The following ASPM variants were observed in gnomAD, a reference collection of about 807,000 sequenced individuals.
ASPM encodes abnormal spindle-like microcephaly-associated protein.
In ASPM, 256 loss-of-function variants were observed where a neutral mutation model predicts 366.4. The observed-to-expected ratio is 0.70, with a 90% confidence interval of 0.63 to 0.77. The LOEUF is 0.77. Among genes scored for constraint, ASPM ranks in the 30% least tolerant of loss-of-function variants. ASPM has a pLI of 0.00. For synonymous variants in ASPM, 1,414 were observed against 1,342.9 expected, an observed-to-expected ratio of 1.05 and a Z score of -1.16; for missense variants, 4,146 against 4,090.4, an observed-to-expected ratio of 1.01 and a Z score of -0.37.
rs973383627 is a variant in ASPM at position 197,116,349 on chromosome 1, C to T, written c.4065+1440G>A. Among the ~76,000 whole-genome samples, 12 of 152,168 alleles carry T rather than the reference C, an allele frequency of 7.9e-5. No homozygotes were observed. In the East Asian group the frequency reaches 2.1e-3, roughly 27 times the overall value. ...TATCTAGACCACTCACACTTCCTATCAAAGATCATTAATCTCACATTACCA... is the reference window on the plus strand; with the variant it reads ...TATCTAGACCACTCACACTTCCTATTAAAGATCATTAATCTCACATTACCA... On this transcript the variant is annotated intron_variant, in intron 17 of 27. Coordinates refer to ENST00000367409, the MANE Select transcript of ASPM (RefSeq NM_018136.5).
At chr1:197,084,447 G>T (rs746042792) in intron 27 of ASPM, 21 bp from the exon 28 acceptor site, 172 of 1,134,372 alleles carry the variant, frequency 1.5e-4, no homozygotes, top group Non-Finnish European at 2.2e-4. Flanking sequence ...AAAAAAAAAA[G>T]TCTGGCATTA....
rs776039152 is a variant in ASPM at position 197,121,956 on chromosome 1, A to G, written c.3829T>C (p.Trp1277Arg). The G allele has an allele frequency of 1.9e-6, 3 of 1,611,578 alleles. No individual in the cohort carries two copies. The highest frequency in any genetic ancestry group is 2.5e-6 in the Non-Finnish European group (3 of 1,178,094). Residue 1277 changes from tryptophan to arginine, a missense_variant, in exon 16 of 28, where the codon TGG (tryptophan) becomes CGG (arginine). Around this residue, in one of 3 missense-constraint regions of ASPM, gnomAD observed 3,624 missense variants for 3,591.7 expected, o/e 1.01. Transcript: ENST00000367409. ...IRAARLIQTT[W>R]RKYKLKTDLK... ...TCTGTTTTTAGTTTATATTTTCTCCATGTTGTTTGTATGAGTCGAGCAGCT... is the reference window on the plus strand; with the variant it reads ...TCTGTTTTTAGTTTATATTTTCTCCGTGTTGTTTGTATGAGTCGAGCAGCT...
At position 197,093,039 on chromosome 1, in the gene ASPM, T is replaced by C. The variant is rs1571590705; in HGVS notation, c.9294+13A>G. Reference sequence around the variant, plus strand: ...TTTTATAAGAATGAGATATGCTACTTGAAAATACTTACTCTTTTTCGTACT... The same window carrying C: ...TTTTATAAGAATGAGATATGCTACTCGAAAATACTTACTCTTTTTCGTACT... On this transcript the variant is annotated intron_variant, in intron 21 of 27. Transcript: ENST00000367409. The C allele has an allele frequency of 1.9e-6, 3 of 1,586,402 alleles. No homozygotes were observed. Among genetic ancestry groups the C allele is most frequent in the Non-Finnish European group, 2.6e-6 (3 of 1,156,606 alleles).
At chr1:197,134,960 C>T (rs564221400) in intron 5 of ASPM, 136 bp downstream of exon 5, 36 of 729,872 alleles carry the variant, frequency 4.9e-5, no homozygotes, top group Non-Finnish European at 7.7e-5. Flanking sequence ...CTTACCTATA[C>T]AAGCATTTAG....
At chr1:197,089,002 TAAAAA>T (rs1417190133) in intron 25 of ASPM, among the ~76,000 whole-genome samples, 2 of 133,264 alleles carry the variant, frequency 1.5e-5, no homozygotes, top group Non-Finnish European at 3.7e-5. Context: ...GATACTAAGA[TAAAAA>T]TAACAAAACA....
chr1:197,090,247 G>A lies in ASPM; in HGVS notation c.9778C>T (p.Leu3260Phe). 1.2e-6 allele frequency: 2 copies of A among 1,613,496 alleles called. No homozygotes were observed. The highest frequency in any genetic ancestry group is 1.1e-5 in the South Asian group (1 of 91,068). ...YKRTALALHY[L>F]LTYKHLSAIL... ...GCAGAAAGGTGCTTATATGTCAAAA[G>A]GTAATGAAGTGCAAGTGCAGTTCTT... Residue 3260 changes from leucine (L) to phenylalanine (F), a missense_variant, in exon 24 of 28, where the codon CTT (leucine) becomes TTT (phenylalanine). By Grantham distance (22) the Leu-to-Phe change is conservative. Around this residue, in one of 3 missense-constraint regions of ASPM, gnomAD observed 3,624 missense variants for 3,591.7 expected, o/e 1.01. Coordinates refer to ENST00000367409, the MANE Select transcript of ASPM (RefSeq NM_018136.5).
chr1:197,135,437 G>C (rs776016185), intron 4 of ASPM, among the ~76,000 whole-genome samples, 195 bp from the exon 5 acceptor site: 35 of 152,042 alleles, frequency 2.3e-4, no homozygotes, highest in African/African-American at 8.5e-4. Flanking sequence ...AAAGTAAAGC[G>C]ATATTTCCTG....
intron 26 of ASPM, 58 bp downstream of exon 26, chr1:197,088,198 C>A: frequency 6.4e-7 from 1 of 1,561,798 alleles, no homozygotes; most frequent in South Asian, 1.1e-5. Context: ...CTATAAAAGT[C>A]ATAGACTTAA....
rs1175039747 is a variant in ASPM at position 197,124,692 on chromosome 1, TATATATATATACAC to T, written c.3168+164_3168+177del. Among the ~76,000 whole-genome samples the T allele has an allele frequency of 4.0e-5, 6 of 151,578 alleles. No individual in the cohort carries two copies. In the South Asian group the frequency reaches 8.3e-4, roughly 21 times the overall value. ...GTGTGGTGAAGATTAGATTGAAATA[TATATATATATACAC>T]ATATATATACATATATATATATAGC... On this transcript the variant is annotated intron_variant, in intron 12 of 27. Transcript: ENST00000367409.
rs1657924566 is a variant in ASPM at position 197,122,020 on chromosome 1, A to C, written c.3765T>G (p.Phe1255Leu). 1 of 1,612,468 alleles carries C rather than the reference A, an allele frequency of 6.2e-7. No homozygotes were observed. Among genetic ancestry groups the C allele is most frequent in the Non-Finnish European group, 8.5e-7 (1 of 1,178,962 alleles). Residue 1255 changes from phenylalanine (F) to leucine (L), a missense_variant, in exon 16 of 28, where the codon TTT (phenylalanine) becomes TTG (leucine). Phe to Leu is a conservative substitution (Grantham distance 22, BLOSUM62 0). Transcript: ENST00000367409. ...DEKVVITYLS[F>L]LCARLLDLRK... ...GAAGATCCAAAAGCCTTGCACAAAG[A>C]AATGACAAATAGGTAATAACCACCT...
intron 4 of ASPM, among the ~76,000 whole-genome samples, chr1:197,136,367 T>C (rs1426712522): frequency 2.0e-5 from 3 of 152,172 alleles, no homozygotes; most frequent in Non-Finnish European, 4.4e-5. Context: ...ACAGTATTAT[T>C]GTAATTTTGG....
rs1315956616 is a variant in ASPM at position 197,103,453 on chromosome 1, G to C, written c.5798C>G (p.Ala1933Gly). Residue 1933 changes from alanine (A) to glycine (G), a missense_variant, in exon 18 of 28, where the codon GCA becomes GGA. Physicochemically the swap from Ala to Gly is moderately conservative, Grantham distance 60. Around this residue, in one of 3 missense-constraint regions of ASPM, gnomAD observed 3,624 missense variants for 3,591.7 expected, o/e 1.01. Coordinates refer to ENST00000367409, the MANE Select transcript of ASPM (RefSeq NM_018136.5). ...AALVIQQNFR[A>G]WTAGRKQCME... ...ACATTGCTTCCTTCCTGCAGTCCAT[G>C]CTCTGAAATTTTGCTGGATGACTAA... is the stretch of plus-strand genomic sequence containing the variant. 3 of 1,613,286 alleles carry C rather than the reference G, an allele frequency of 1.9e-6. No homozygotes were observed. The highest frequency in any genetic ancestry group is 3.3e-5 in the Admixed American group (2 of 59,900).
chr1:197,131,855 G>C (rs1658265010), intron 7 of ASPM, among the ~76,000 whole-genome samples: 1 of 150,638 alleles, frequency 6.6e-6, no homozygotes, highest in Non-Finnish European at 1.5e-5. Context: ...ACCACACCTG[G>C]CCAGGGCAAG....
chr1:197,110,363 A>G (rs1333464712), intron 17 of ASPM, among the ~76,000 whole-genome samples: 1 of 152,126 alleles, frequency 6.6e-6, no homozygotes, highest in Admixed American at 6.6e-5. Flanking sequence ...TTGGACATGT[A>G]TATATAAAAA....
At chr1:197,128,461 A>C in intron 10 of ASPM, 29 bp downstream of exon 10, 1 of 1,590,680 alleles carries the variant, frequency 6.3e-7, no homozygotes, top group Non-Finnish European at 8.6e-7. Context: ...TATTCCATTA[A>C]GCAAAATAAT....
chr1:197,128,762 AAAT>A lies in ASPM; in HGVS notation c.2761-100_2761-98del, dbSNP rs869251214. The A allele has an allele frequency of 2.2e-4, 84 of 376,284 alleles. 1 individual carries two copies. In the South Asian group the frequency reaches 2.6e-3, roughly 11 times the overall value. 23.3% of individuals were successfully genotyped at this position (376,284 alleles called of 1,614,324 possible). ...AAATCATTCTGTACATATAAAAATA[AAAT>A]AATATAAAAAGTTTCATATTATACA... On this transcript the variant is annotated intron_variant, in intron 9 of 27. Coordinates refer to ENST00000367409, the MANE Select transcript of ASPM (RefSeq NM_018136.5).
At position 197,133,460 on chromosome 1, in the gene ASPM, C is replaced by T. The variant is rs2125109516; in HGVS notation, c.2309G>A (p.Cys770Tyr). 6.2e-7 allele frequency: 1 copy of T among 1,614,090 alleles called. No homozygotes were observed. The highest frequency in any genetic ancestry group is 1.1e-5 in the South Asian group (1 of 91,076). Reference protein sequence around the residue: ...CRLNRLRRAACRLFTSEKMVK... With the variant: ...CRLNRLRRAAYRLFTSEKMVK... ...CATTTTTTCAGAAGTAAACAAACGG[C>T]ATGCTGCACGACGTAGTCTGTTTAA... is the stretch of plus-strand genomic sequence containing the variant. Residue 770 changes from cysteine to tyrosine, a missense_variant, in exon 6 of 28, where the codon TGC becomes TAC. Coordinates refer to ENST00000367409, the MANE Select transcript of ASPM (RefSeq NM_018136.5).
At chr1:197,135,453 T>G (rs1262604299) in intron 4 of ASPM, among the ~76,000 whole-genome samples, 1 of 152,144 alleles carries the variant, frequency 6.6e-6, no homozygotes, top group Non-Finnish European at 1.5e-5. Context: ...TCCTGGTTAT[T>G]TAACACTAAA....
In ASPM at chr1:197,090,312, A is replaced by T. The variant is rs538369400; in HGVS notation, c.9713T>A (p.Val3238Asp). The stretch of plus-strand genomic sequence containing the variant: ...TTCTTCTCGAATCTCCCTATTAACA[A>T]CTTGAAGACTTAGTCGTATAGCTTT... Reference protein sequence around the residue: ...KIKAIRLSLQVVNREIREENK... With the variant: ...KIKAIRLSLQDVNREIREENK... Residue 3238 changes from valine (V) to aspartate (D), a missense_variant, in exon 24 of 28, where the codon GTT becomes GAT. Transcript: ENST00000367409. 14 of 1,612,884 alleles carry T rather than the reference A, an allele frequency of 8.7e-6. No homozygotes were observed. The South Asian group carries it at 1.3e-4, about 15-fold the overall frequency.
Sources: allele counts gnomAD v4.1 joint callset (sites outside exome capture counted in the v4.1 genomes callset), GRCh38; gene constraint gnomAD v4.1.1; regional missense constraint gnomAD v4.1.1; transcripts MANE v1.5; gene names NCBI Gene and HGNC (gene_info 2026-07-23, HGNC 2026-07-21).